The following PARD3 variants were observed in gnomAD, a reference collection of about 807,000 sequenced individuals.
PARD3 encodes par-3 family cell polarity regulator.
In PARD3, 75 loss-of-function variants were observed where a neutral mutation model predicts 155.4. That is an observed-to-expected ratio of 0.48 (90% confidence interval 0.40 to 0.58). The LOEUF (loss-of-function observed/expected upper bound fraction) is 0.58, where lower values mean the gene tolerates loss of function less well. Among genes scored for constraint, PARD3 ranks in the 20% least tolerant of loss-of-function variants. The pLI is 0.00. For missense variants in PARD3, 1,642 were observed against 1,721.7 expected, an observed-to-expected ratio of 0.95 and a Z score of 0.82; for synonymous variants, 576 against 610.5, an observed-to-expected ratio of 0.94 and a Z score of 0.83.
At chr10:34,595,244 T>C (rs2089140965) in intron 2 of PARD3, among the ~76,000 whole-genome samples, 2 of 152,350 alleles carry the variant, frequency 1.3e-5, no homozygotes, top group African/African-American at 4.8e-5. Flanking sequence ...TCTCATTGAA[T>C]GTTTAAGTCT....
intron 22 of PARD3, among the ~76,000 whole-genome samples, chr10:34,264,117 A>T (rs1381289229): frequency 6.6e-6 from 1 of 152,218 alleles, no homozygotes; most frequent in African/African-American, 2.4e-5. Flanking sequence ...AGTAGAAACC[A>T]TACTTTGAGT....
intron 15 of PARD3, chr10:34,345,775 G>C: frequency 1.1e-5 from 11 of 985,332 alleles, no homozygotes; most frequent in Non-Finnish European, 1.3e-5. Flanking sequence ...TCTCTTGCAA[G>C]GTAACGTCTT....
chr10:34,123,871 T>A (rs2132710979), intron 23 of PARD3, among the ~76,000 whole-genome samples: 1 of 152,266 alleles, frequency 6.6e-6, no homozygotes, highest in African/African-American at 2.4e-5. Flanking sequence ...AACATGAATA[T>A]CCACAGTACA....
chr10:34,269,445 T>C (rs1338113352), intron 22 of PARD3, among the ~76,000 whole-genome samples: 1 of 152,194 alleles, frequency 6.6e-6, no homozygotes, highest in East Asian at 1.9e-4. Context: ...ATGAAATATG[T>C]TGGAATCATT....
At chr10:34,252,176 C>T (rs1406724662) in intron 22 of PARD3, among the ~76,000 whole-genome samples, 1 of 152,126 alleles carries the variant, frequency 6.6e-6, no homozygotes, top group Non-Finnish European at 1.5e-5. Flanking sequence ...TCAACTAACA[C>T]CAGTCACTGC....
chr10:34,685,596 C>CTTT (rs11407073), intron 2 of PARD3, among the ~76,000 whole-genome samples: 1 of 145,812 alleles, frequency 6.9e-6, no homozygotes, highest in Non-Finnish European at 1.5e-5. Flanking sequence ...TTCCCGCAAT[C>CTTT]TTTTTTTTTT....
Position 34,666,814 on chromosome 10 carries a change from T to TAC in PARD3, c.222+29503_222+29504insGT, listed in dbSNP as rs1200796084. Among the ~76,000 whole-genome samples the TAC allele has an allele frequency of 7.8e-3, 718 of 92,054 alleles. 5 individuals carry two copies. The highest frequency in any genetic ancestry group is 0.011 in the Non-Finnish European group (546 of 49,724). The allele number at this position is 92,054 out of a possible 152,430, so 60.4% of individuals were successfully genotyped here. ...AAAAAAAAATATATATATATATATATATACACACACACACACACACACAAA... is the reference window on the plus strand; with the variant it reads ...AAAAAAAAATATATATATATATATATACATACACACACACACACACACACAAA... On this transcript the variant is annotated intron_variant, in intron 2 of 24. Coordinates refer to ENST00000374788, the MANE Select transcript of PARD3 (RefSeq NM_001184785.2).
intron 20 of PARD3, among the ~76,000 whole-genome samples, chr10:34,295,112 C>A (rs907900055): frequency 1.3e-5 from 2 of 152,108 alleles, no homozygotes; most frequent in African/African-American, 4.8e-5. Context: ...TGGCTCTCTT[C>A]CAGAAAAGAT....
intron 22 of PARD3, among the ~76,000 whole-genome samples, chr10:34,141,377 G>T (rs1948180368): frequency 6.6e-6 from 1 of 152,134 alleles, no homozygotes. Flanking sequence ...ATGATTTGTT[G>T]TCCATTTCAC....
At chr10:34,285,324 C>T (rs561639397) in intron 20 of PARD3, among the ~76,000 whole-genome samples, 16 of 152,222 alleles carry the variant, frequency 1.1e-4, no homozygotes, top group East Asian at 1.9e-4. Context: ...CTTTGGGAGG[C>T]TGAGGCTTTG....
At chr10:34,484,569 TCTTTCC>T (rs2079313287) in intron 3 of PARD3, among the ~76,000 whole-genome samples, 1 of 152,160 alleles carries the variant, frequency 6.6e-6, no homozygotes, top group Non-Finnish European at 1.5e-5. Context: ...GCCATAAATG[TCTTTCC>T]CTTTATCAAC....
At position 34,261,167 on chromosome 10, in the gene PARD3, T is replaced by C. The variant is rs546725584; in HGVS notation, c.3419+8490A>G. ...GCACTCCTGGTGGCAAATGATTGCA[T>C]AGTGACAGTCAGCAAATGTCCATTA... is the stretch of plus-strand genomic sequence containing the variant. On this transcript the variant is annotated intron_variant, in intron 22 of 24. Transcript: ENST00000374788. Among the ~76,000 whole-genome samples, 24 of 152,304 alleles carry C rather than the reference T, an allele frequency of 1.6e-4. 1 individual carries two copies. The highest frequency in any genetic ancestry group is 9.7e-4 in the East Asian group (5 of 5,174).
chr10:34,387,445 C>T (rs1842464470), intron 7 of PARD3, among the ~76,000 whole-genome samples: 1 of 152,110 alleles, frequency 6.6e-6, no homozygotes, highest in African/African-American at 2.4e-5. Flanking sequence ...CAGAATCTTG[C>T]TCTGTCACCC....
intron 1 of PARD3, among the ~76,000 whole-genome samples, chr10:34,778,138 T>C (rs1389107177): frequency 6.6e-6 from 1 of 152,252 alleles, no homozygotes; most frequent in Non-Finnish European, 1.5e-5. Context: ...ACCTCTTGTA[T>C]ACTCTAAATC....
intron 4 of PARD3, among the ~76,000 whole-genome samples, chr10:34,460,230 T>C (rs902345233): frequency 7.2e-5 from 11 of 152,300 alleles, no homozygotes; most frequent in Middle Eastern, 3.4e-3. Context: ...CCTCCATTCA[T>C]GGCTAAAAAC....
At chr10:34,717,311 T>C (rs1186465569) in intron 1 of PARD3, among the ~76,000 whole-genome samples, 2 of 152,168 alleles carry the variant, frequency 1.3e-5, no homozygotes, top group Admixed American at 1.3e-4. Context: ...TACCAGTCTA[T>C]GATGCTATAT....
intron 23 of PARD3, among the ~76,000 whole-genome samples, chr10:34,130,922 G>A (rs1383364356): frequency 1.3e-5 from 2 of 152,154 alleles, no homozygotes; most frequent in Non-Finnish European, 2.9e-5. Context: ...TTAGCCAGGT[G>A]TGGTGGCACT....
intron 21 of PARD3, among the ~76,000 whole-genome samples, chr10:34,274,268 A>G (rs912421307): frequency 3.3e-5 from 5 of 152,210 alleles, no homozygotes; most frequent in African/African-American, 9.7e-5. Context: ...GACAGTTTTT[A>G]AATTTTTACG....
chr10:34,213,575 T>C (rs992410404), intron 22 of PARD3, among the ~76,000 whole-genome samples: 5 of 152,240 alleles, frequency 3.3e-5, no homozygotes, highest in Non-Finnish European at 7.3e-5. Context: ...ACTCAGTTAA[T>C]GATTACATAA....
Sources: gnomAD v4.1 joint callset for allele counts (sites outside exome capture counted in the v4.1 genomes callset) on GRCh38, gnomAD v4.1.1 for gene constraint, MANE v1.5 for transcripts, NCBI Gene and HGNC (gene_info 2026-07-23, HGNC 2026-07-21) for gene names.